The following RYR2 variants were observed in gnomAD, a reference collection of about 807,000 sequenced individuals.
RYR2 encodes cardiac muscle ryanodine receptor-calcium release channel.
Under a neutral mutation model 601.1 loss-of-function variants are expected in RYR2, and 227 were observed. The ratio of observed to expected loss-of-function variants is 0.38; its 90% CI spans 0.34 to 0.42. The LOEUF is 0.42. Ranked by LOEUF, RYR2 falls within the 10% of genes least tolerant of loss-of-function variation. The pLI, the probability that RYR2 is intolerant of heterozygous loss-of-function variation, is 1.00. For missense variants in RYR2, 4,646 were observed against 6,156.5 expected, an observed-to-expected ratio of 0.75 and a Z score of 8.21; for synonymous variants, 2,223 against 2,175.1, an observed-to-expected ratio of 1.02 and a Z score of -0.61.
At chr1:237,680,042 T>C (rs1410243482) in intron 61 of RYR2, among the ~76,000 whole-genome samples, 2 of 152,206 alleles carry the variant, frequency 1.3e-5, no homozygotes, top group African/African-American at 4.8e-5. Context: ...TATGTCTCCA[T>C]TTAATACCCA....
chr1:237,594,229 C>T (rs1304526882), intron 33 of RYR2, among the ~76,000 whole-genome samples: 2 of 152,166 alleles, frequency 1.3e-5, no homozygotes, highest in African/African-American at 2.4e-5. Flanking sequence ...ATCTTCCTTG[C>T]AGAATAAGAC....
At chr1:237,566,220 T>A (rs1391674406) in intron 27 of RYR2, among the ~76,000 whole-genome samples, 4 of 152,144 alleles carry the variant, frequency 2.6e-5, no homozygotes, top group African/African-American at 9.7e-5. Flanking sequence ...TCTTATTGAC[T>A]TCTTTCCATC....
chr1:237,243,665 G>T (rs928594977), intron 1 of RYR2, among the ~76,000 whole-genome samples: 1 of 152,108 alleles, frequency 6.6e-6, no homozygotes, highest in Admixed American at 6.5e-5. Context: ...AAAAACCACA[G>T]TCAGAAAGGT....
intron 23 of RYR2, among the ~76,000 whole-genome samples, chr1:237,507,322 T>C (rs1665374208): frequency 6.6e-6 from 1 of 152,218 alleles, no homozygotes; most frequent in Non-Finnish European, 1.5e-5. Flanking sequence ...TGCTTCTAAA[T>C]GATACTTTGC....
chr1:237,517,838 A>C (rs1014771638), intron 24 of RYR2, among the ~76,000 whole-genome samples: 8 of 152,088 alleles, frequency 5.3e-5, no homozygotes, highest in African/African-American at 1.9e-4. Context: ...TTAAATTCAC[A>C]ATCATGTACC....
At chr1:237,479,839 A>G (rs542903454) in intron 17 of RYR2, among the ~76,000 whole-genome samples, 1 of 152,334 alleles carries the variant, frequency 6.6e-6, no homozygotes, top group South Asian at 2.1e-4. Context: ...CAGTTACTCT[A>G]TAAGGTAGGT....
intron 1 of RYR2, among the ~76,000 whole-genome samples, chr1:237,160,885 A>G (rs1302568743): frequency 1.3e-5 from 2 of 152,186 alleles, no homozygotes; most frequent in Non-Finnish European, 2.9e-5. Context: ...AATGATTTAT[A>G]CATGCAGAAA....
intron 1 of RYR2, among the ~76,000 whole-genome samples, chr1:237,123,421 T>G (rs1671029294): frequency 6.6e-6 from 1 of 151,910 alleles, no homozygotes; most frequent in Admixed American, 6.6e-5. Flanking sequence ...ACCTAGTCTC[T>G]ACAAAAAAAT....
In RYR2 at chr1:237,369,421, A is replaced by G. The variant is rs1700462840; in HGVS notation, c.310-113A>G. ...TTGCTTGTCTGCAAGAGCTCTTAAT[A>G]CATTCTTTCCTACTAACGTTCCTTT... On this transcript the variant is annotated intron_variant, in intron 5 of 104. Transcript: ENST00000366574. The G allele has an allele frequency of 3.4e-6, 3 of 885,628 alleles. No individual in the cohort carries two copies. In the Admixed American group the frequency reaches 6.0e-5, roughly 18 times the overall value. The allele number at this position is 885,628 out of a possible 1,614,324, so 54.9% of individuals were successfully genotyped here.
At position 237,784,949 on chromosome 1, in the gene RYR2, C is replaced by G; in HGVS notation, c.13237C>G (p.Pro4413Ala). 1 of 1,598,400 alleles carries G rather than the reference C, an allele frequency of 6.3e-7. No homozygotes were observed. Among genetic ancestry groups the G allele is most frequent in the Non-Finnish European group, 8.5e-7 (1 of 1,172,206 alleles). ...CCTCATGAGCAACCCAGTCCCCATG[C>G]CTGAGGTGCAGGAAAAATTTCAGGT... Reference protein sequence around the residue: ...SDLMSNPVPMPEVQEKFQEQK... With the variant: ...SDLMSNPVPMAEVQEKFQEQK... Residue 4413 changes from proline to alanine, a missense_variant, in exon 90 of 105, where the codon CCT becomes GCT. Physicochemically the swap from Pro to Ala is conservative, Grantham distance 27. Transcript: ENST00000366574. The surrounding 1 kb of genome is among the most constrained non-coding windows in gnomAD (Gnocchi z 7.1).
intron 2 of RYR2, among the ~76,000 whole-genome samples, chr1:237,310,722 C>A (rs1375634861): frequency 6.6e-6 from 1 of 152,164 alleles, no homozygotes; most frequent in African/African-American, 2.4e-5. Flanking sequence ...TTGATTGAGT[C>A]CTGTCTCAGA....
intron 2 of RYR2, among the ~76,000 whole-genome samples, chr1:237,281,670 T>C (rs891091716): frequency 2.0e-5 from 3 of 152,220 alleles, no homozygotes; most frequent in African/African-American, 7.2e-5. Context: ...TCCCCCCAGA[T>C]GGTGCAGGCA....
At chr1:237,122,232 G>A (rs1324350786) in intron 1 of RYR2, among the ~76,000 whole-genome samples, 1 of 152,276 alleles carries the variant, frequency 6.6e-6, no homozygotes, top group Non-Finnish European at 1.5e-5. Context: ...CATCAGTGGT[G>A]AAGTCCCTCC....
chr1:237,082,637 C>T (rs1445728285), intron 1 of RYR2, among the ~76,000 whole-genome samples: 1 of 148,670 alleles, frequency 6.7e-6, no homozygotes, highest in Non-Finnish European at 1.5e-5. Context: ...GTTCTCAGTA[C>T]CATAAGGTTA....
intron 1 of RYR2, among the ~76,000 whole-genome samples, chr1:237,146,687 T>C (rs1407822974): frequency 6.6e-6 from 1 of 152,238 alleles, no homozygotes; most frequent in African/African-American, 2.4e-5. Flanking sequence ...TTGGGCTTTT[T>C]TGAATTGTCA....
chr1:237,291,746 G>C (rs187858471), intron 2 of RYR2, among the ~76,000 whole-genome samples: 35 of 152,308 alleles, frequency 2.3e-4, no homozygotes, highest in African/African-American at 7.2e-4. Context: ...AGAGATCAGA[G>C]GTTGCCAGGG....
At chr1:237,130,671 G>C (rs530262918) in intron 1 of RYR2, among the ~76,000 whole-genome samples, 7 of 151,044 alleles carry the variant, frequency 4.6e-5, no homozygotes, top group African/African-American at 1.7e-4. Flanking sequence ...ACTCCAGCCT[G>C]GGTGACAGAG....
chr1:237,139,224 A>G (rs1673123192), intron 1 of RYR2, among the ~76,000 whole-genome samples: 1 of 152,146 alleles, frequency 6.6e-6, no homozygotes, highest in Non-Finnish European at 1.5e-5. Context: ...TACCATATAT[A>G]CTACCACATG....
chr1:237,833,718 G>T lies in RYR2; in HGVS notation c.*1071G>T, dbSNP rs573077092. On this transcript the variant is annotated 3_prime_UTR_variant, in exon 105 of 105. Transcript: ENST00000366574. ...CCTGTGATCAGTTTTGTTGATTAAG[G>T]ACTTCTTGTCAGGCCATTTTTTAAT... The T allele has an allele frequency of 2.0e-5, 3 of 152,614 alleles. No homozygotes were observed. The highest frequency in any genetic ancestry group is 2.0e-4 in the Admixed American group (3 of 15,288). The allele number at this position is 152,614 out of a possible 1,614,324, so 9.5% of individuals were successfully genotyped here.
Sources: gnomAD v4.1 joint callset for allele counts (sites outside exome capture counted in the v4.1 genomes callset) on GRCh38, gnomAD v4.1.1 for gene constraint, Gnocchi (gnomAD v3.1) non-coding constraint, MANE v1.5 for transcripts, NCBI Gene and HGNC (gene_info 2026-07-23, HGNC 2026-07-21) for gene names.